TTC7A: variants seen among roughly 807,000 people sequenced by gnomAD.
TTC7A encodes the protein tetratricopeptide repeat protein 7A.
In TTC7A, 110 loss-of-function variants were observed where a neutral mutation model predicts 103.7. That is an observed-to-expected ratio of 1.06 (90% CI 0.91 to 1.24). TTC7A has a LOEUF of 1.24. Ranked by LOEUF, TTC7A falls within the 50% of genes most tolerant of loss-of-function variation. The pLI is 0.00. For synonymous variants in TTC7A, 521 were observed against 467.9 expected (o/e 1.11, Z -1.47); for missense variants, 1,340 against 1,116.3 (o/e 1.20, Z -2.86).
intron 2 of TTC7A, among the ~76,000 whole-genome samples, chr2:46,952,524 G>A (rs1395254221): frequency 6.6e-6 from 1 of 152,172 alleles, no homozygotes; most frequent in Non-Finnish European, 1.5e-5. Context: ...GGCTAAGGTG[G>A]GAGGATTGCT....
rs1490180366 is a variant in TTC7A at position 47,073,953 on chromosome 2, T to C, written c.*30T>C. 5 of 1,583,058 alleles carry C rather than the reference T, an allele frequency of 3.2e-6. No homozygotes were observed. The highest frequency in any genetic ancestry group is 4.3e-6 in the Non-Finnish European group (5 of 1,159,960). On this transcript the variant is annotated 3_prime_UTR_variant, in exon 20 of 20. Coordinates refer to ENST00000319190, the MANE Select transcript of TTC7A (RefSeq NM_020458.4). ...GCTGCAGCCGCAGGGAGGGAGGGGC[T>C]GGCCAGAGGGAGAGGCAGCAGGGAA...
intron 15 of TTC7A, among the ~76,000 whole-genome samples, chr2:47,041,012 G>A (rs773351950): frequency 1.3e-5 from 2 of 152,152 alleles, no homozygotes; most frequent in Non-Finnish European, 2.9e-5. Context: ...CAGGCGTTTC[G>A]ATCACAGAGA....
chr2:46,967,531 T>C (rs1174232396), intron 3 of TTC7A, among the ~76,000 whole-genome samples: 1 of 152,216 alleles, frequency 6.6e-6, no homozygotes, highest in African/African-American at 2.4e-5. Context: ...GTCTGGCTCA[T>C]TTCACTTAGT....
chr2:47,073,623 C>A, intron 19 of TTC7A, 79 bp from the exon 20 acceptor site: 1 of 1,252,492 alleles, frequency 8.0e-7, no homozygotes, highest in Non-Finnish European at 1.2e-6. Context: ...GCCACCCGTG[C>A]ACCTGTGCTT....
intron 5 of TTC7A, among the ~76,000 whole-genome samples, chr2:46,981,303 C>G (rs897661401): frequency 4.6e-5 from 7 of 152,092 alleles, no homozygotes; most frequent in African/African-American, 1.2e-4. Flanking sequence ...TCTTTCCACC[C>G]AGGCTTGGCT....
intron 2 of TTC7A, among the ~76,000 whole-genome samples, chr2:46,925,540 A>G (rs1669344164): frequency 6.6e-6 from 1 of 152,168 alleles, no homozygotes; most frequent in Non-Finnish European, 1.5e-5. Flanking sequence ...CCTGGGCAAC[A>G]AAGTGTCTCA....
intron 12 of TTC7A, among the ~76,000 whole-genome samples, chr2:47,022,916 G>A (rs1470382729): frequency 6.6e-6 from 1 of 152,188 alleles, no homozygotes; most frequent in Non-Finnish European, 1.5e-5. Context: ...GGTTTGGGAG[G>A]GGCCTGGATG....
At chr2:47,032,287 G>A (rs1203568357) in intron 15 of TTC7A, among the ~76,000 whole-genome samples, 2 of 152,216 alleles carry the variant, frequency 1.3e-5, no homozygotes, top group African/African-American at 4.8e-5. Flanking sequence ...AAGGGAGCCC[G>A]ACCTCAAAAA....
chr2:46,927,934 C>G (rs1669482057), intron 2 of TTC7A, among the ~76,000 whole-genome samples: 1 of 130,830 alleles, frequency 7.6e-6, no homozygotes, highest in Non-Finnish European at 1.6e-5. Context: ...CACTCTGTCA[C>G]CCAGGCTGGA....
chr2:47,067,467 G>A (rs1684273095), intron 19 of TTC7A, among the ~76,000 whole-genome samples: 1 of 152,222 alleles, frequency 6.6e-6, no homozygotes, highest in Non-Finnish European at 1.5e-5. Context: ...ATGCCAGCAG[G>A]GTGCTGAGAA....
At chr2:47,037,220 G>A (rs1351088386) in intron 15 of TTC7A, among the ~76,000 whole-genome samples, 1 of 152,202 alleles carries the variant, frequency 6.6e-6, no homozygotes, top group African/African-American at 2.4e-5. Context: ...TGCGTTGGAT[G>A]TCTTGTTTGA....
At chr2:47,038,238 G>A (rs1031690050) in intron 15 of TTC7A, among the ~76,000 whole-genome samples, 13 of 149,460 alleles carry the variant, frequency 8.7e-5, no homozygotes, top group African/African-American at 1.2e-4. Context: ...CAGCTTGGGC[G>A]TCAGAGCGAG....
chr2:46,958,825 G>A (rs1181430389), intron 3 of TTC7A, among the ~76,000 whole-genome samples: 2 of 152,206 alleles, frequency 1.3e-5, no homozygotes, highest in Non-Finnish European at 1.5e-5. Context: ...GCAGAGTAGA[G>A]GCCACACCCT....
chr2:47,049,527 C>T (rs544794741), intron 16 of TTC7A, among the ~76,000 whole-genome samples: 90 of 152,138 alleles, frequency 5.9e-4, no homozygotes, highest in African/African-American at 1.7e-3. Flanking sequence ...GGGTGACATC[C>T]GGGCCCTTTT....
chr2:47,019,983 C>G (rs1373728490), intron 11 of TTC7A, among the ~76,000 whole-genome samples: 1 of 152,168 alleles, frequency 6.6e-6, no homozygotes, highest in African/African-American at 2.4e-5. Context: ...CTGGGGTAAC[C>G]ACAGCCACCT....
intron 16 of TTC7A, among the ~76,000 whole-genome samples, chr2:47,048,264 T>G (rs1483057113): frequency 6.6e-6 from 1 of 152,152 alleles, no homozygotes; most frequent in African/African-American, 2.4e-5. Flanking sequence ...GGCTGTAAGG[T>G]TCTTCAAGGT....
intron 3 of TTC7A, among the ~76,000 whole-genome samples, chr2:46,968,283 C>T (rs1053328802): frequency 2.6e-5 from 4 of 152,246 alleles, no homozygotes; most frequent in African/African-American, 9.6e-5. Flanking sequence ...CAGAAAGGCC[C>T]TTGCCGGTGG....
chr2:46,916,307 C>G (rs1260809928), exon 1 of TTC7A: 2 of 377,198 alleles, frequency 5.3e-6, no homozygotes, highest in African/African-American at 4.4e-5. Context: ...TGGCCTGCTT[C>G]CAGCGTCTGC....
intron 17 of TTC7A, 111 bp from the exon 18 acceptor site, chr2:47,051,635 C>T (rs1382537205): frequency 1.4e-6 from 2 of 1,418,446 alleles, no homozygotes; most frequent in South Asian, 1.4e-5. Flanking sequence ...CACCACCCTA[C>T]CCTGATTCAG....
Sources: allele counts gnomAD v4.1 joint callset (sites outside exome capture counted in the v4.1 genomes callset), GRCh38; gene constraint gnomAD v4.1.1; transcripts MANE v1.5; gene names NCBI Gene and HGNC (gene_info 2026-07-23, HGNC 2026-07-21).